The following MEI1 variants were observed in gnomAD, a reference collection of about 807,000 sequenced individuals.
The protein encoded by MEI1 is meiosis inhibitor protein 1.
In MEI1, 103 loss-of-function variants were observed where a neutral mutation model predicts 146.2. The ratio of observed to expected loss-of-function variants is 0.70; its 90% CI spans 0.60 to 0.83. The LOEUF is 0.83. MEI1 is among the 40% of genes least tolerant of loss of function. The probability of loss-of-function intolerance (pLI) is 0.00; values close to 1 mark genes in which losing one functional copy is unlikely to be tolerated. For synonymous variants in MEI1, 652 were observed against 628.2 expected, an observed-to-expected ratio of 1.04 and a Z score of -0.57; for missense variants, 1,529 against 1,533.0, an observed-to-expected ratio of 1.00 and a Z score of 0.04.
At chr22:41,764,176 G>T (rs959476605) in intron 19 of MEI1, among the ~76,000 whole-genome samples, 7 of 152,086 alleles carry the variant, frequency 4.6e-5, no homozygotes, top group Admixed American at 4.6e-4. Context: ...TAGCCAGGAT[G>T]GTCTCAATCT....
intron 22 of MEI1, among the ~76,000 whole-genome samples, chr22:41,779,314 G>A (rs111847553): frequency 6.6e-6 from 1 of 152,222 alleles, no homozygotes; most frequent in Non-Finnish European, 1.5e-5. Context: ...GCTGTGTGTC[G>A]TGATGCAGAC....
In MEI1 at chr22:41,795,297, G is replaced by A; in HGVS notation, c.3535-114G>A. Reference sequence around the variant, plus strand: ...ACTAACTCTGAGCTCCTTGAAGGCAGGCAGGTTCTGTGGGCTTCAGGACAG... The same window carrying A: ...ACTAACTCTGAGCTCCTTGAAGGCAAGCAGGTTCTGTGGGCTTCAGGACAG... On this transcript the variant is annotated intron_variant, in intron 28 of 30. Coordinates refer to ENST00000401548, the MANE Select transcript of MEI1 (RefSeq NM_152513.4). This position sits in a 1 kb window ranked among gnomAD's most constrained non-coding sequence, Gnocchi z 4.2. 1.4e-6 allele frequency: 2 copies of A among 1,423,936 alleles called. No homozygotes were observed. Among genetic ancestry groups the A allele is most frequent in the Non-Finnish European group, 1.9e-6 (2 of 1,039,138 alleles). 88.2% of individuals were successfully genotyped at this position (1,423,936 alleles called of 1,614,324 possible).
At chr22:41,765,610 C>T (rs760716330) in intron 19 of MEI1, among the ~76,000 whole-genome samples, 1 of 152,038 alleles carries the variant, frequency 6.6e-6, no homozygotes, top group Non-Finnish European at 1.5e-5. Context: ...TCAAAGACAC[C>T]GATTAGCCAG....
chr22:41,739,415 C>T (rs1335465709), intron 11 of MEI1, among the ~76,000 whole-genome samples: 1 of 152,026 alleles, frequency 6.6e-6, no homozygotes, highest in Admixed American at 6.6e-5. Context: ...TCTTCTTTTC[C>T]CCTCTCTTCC....
intron 26 of MEI1, among the ~76,000 whole-genome samples, chr22:41,786,901 C>T (rs984714688): frequency 6.6e-6 from 1 of 152,218 alleles, no homozygotes; most frequent in Non-Finnish European, 1.5e-5. Context: ...TATCCCGAGC[C>T]CTGACCCAAT....
At chr22:41,718,378 C>A (rs1601711480) in intron 6 of MEI1, 104 bp downstream of exon 6, 2 of 1,099,148 alleles carry the variant, frequency 1.8e-6, no homozygotes. Flanking sequence ...TGCTGTTTTG[C>A]AAAAGGTAGA....
At chr22:41,739,617 T>G (rs2072686557) in intron 11 of MEI1, among the ~76,000 whole-genome samples, 1 of 148,834 alleles carries the variant, frequency 6.7e-6, no homozygotes, top group Non-Finnish European at 1.5e-5. Context: ...TCCTTTGTCC[T>G]TCCCTGAATT....
chr22:41,716,181 T>A (rs747604516), intron 5 of MEI1, 35 bp downstream of exon 5: 3 of 1,403,974 alleles, frequency 2.1e-6, no homozygotes, highest in Non-Finnish European at 2.0e-6. Context: ...CCACTACCCT[T>A]TTACCTGCTT....
chr22:41,743,278 G>T, intron 12 of MEI1, 84 bp downstream of exon 12: 1 of 947,086 alleles, frequency 1.1e-6, no homozygotes, highest in Non-Finnish European at 1.6e-6. Flanking sequence ...CCTTACTTTT[G>T]TATGCTATTT....
chr22:41,707,159 C>T (rs969879173), intron 3 of MEI1, among the ~76,000 whole-genome samples: 18 of 151,960 alleles, frequency 1.2e-4, no homozygotes, highest in African/African-American at 2.9e-4. Context: ...GCTGAGATCG[C>T]GCCACTGCAC....
At chr22:41,770,986 A>G (rs1376486970) in intron 20 of MEI1, 25 bp downstream of exon 20, 1 of 1,605,462 alleles carries the variant, frequency 6.2e-7, no homozygotes, top group African/African-American at 1.3e-5. Flanking sequence ...ATTCATTTCT[A>G]CATTCAGAAA....
At chr22:41,713,897 G>T in intron 3 of MEI1, 105 bp from the exon 4 acceptor site, 1 of 894,438 alleles carries the variant, frequency 1.1e-6, no homozygotes, top group South Asian at 1.5e-5. Context: ...ATACCAATTA[G>T]CCCAGGCAAA....
At chr22:41,799,082 A>G (rs888337681) in intron 30 of MEI1, among the ~76,000 whole-genome samples, 172 bp from the exon 31 acceptor site, 4 of 152,144 alleles carry the variant, frequency 2.6e-5, no homozygotes, top group Non-Finnish European at 5.9e-5. Context: ...CCTGTTGAAT[A>G]GCAACTACCT....
rs137942362 is a variant in MEI1, at chr22:41,745,802, C to G, written c.1539-83C>G. On this transcript the variant is annotated intron_variant, in intron 13 of 30. Coordinates refer to ENST00000401548, the MANE Select transcript of MEI1 (RefSeq NM_152513.4). ...TTTCCCTGGACCCTGAGCACAGGCA[C>G]TCCCCGCCACCCCCCAGGAAGCTGT... 183 of 1,416,370 alleles carry G rather than the reference C, an allele frequency of 1.3e-4. No homozygotes were observed. In the African/African-American group the frequency reaches 2.4e-3, roughly 19 times the overall value. 87.7% of individuals were successfully genotyped at this position (1,416,370 alleles called of 1,614,324 possible).
chr22:41,740,036 G>C (rs11912567), intron 11 of MEI1, among the ~76,000 whole-genome samples: 146 of 151,636 alleles, frequency 9.6e-4, no homozygotes, highest in African/African-American at 2.6e-3. Flanking sequence ...TTTTTGGTGG[G>C]GGGGGTGGAG....
In MEI1 at chr22:41,724,069, A is replaced by C. The variant is rs765095807; in HGVS notation, c.860A>C (p.Lys287Thr). 1.9e-5 allele frequency: 31 copies of C among 1,613,770 alleles called. No individual in the cohort carries two copies. The highest frequency in any genetic ancestry group is 2.6e-5 in the Non-Finnish European group (31 of 1,179,850). ...AATACCTCACTGCCTTTGGTGCTCA[A>C]AAAGGTAGTTGTCTTGTGATTCCTG... is the stretch of plus-strand genomic sequence containing the variant. ...SGNTSLPLVL[K>T]KLLLSRDETL... The change falls in exon 7 of 31, where the codon AAA becomes ACA. Residue 287 changes from lysine to threonine, a missense_variant. This residue lies in a region of MEI1 where 1,212 missense variants were observed against 1,178.9 expected (regional missense o/e 1.03). Transcript: ENST00000401548.
At chr22:41,784,114 G>C (rs891538924) in intron 24 of MEI1, among the ~76,000 whole-genome samples, 4 of 152,204 alleles carry the variant, frequency 2.6e-5, no homozygotes, top group African/African-American at 9.7e-5. Context: ...CAGTGAGGAT[G>C]GGGGAGATTT....
intron 3 of MEI1, among the ~76,000 whole-genome samples, chr22:41,712,672 A>ATGTG (rs140926503): frequency 0.57 from 83,658 of 146,806 alleles, 26,870 homozygotes; most frequent in Non-Finnish European, 0.75. Context: ...ATAGAAATAG[A>ATGTG]TGTGTGTGTG....
At chr22:41,729,641 A>C in intron 7 of MEI1, 24 bp from the exon 8 acceptor site, 1 of 1,509,528 alleles carries the variant, frequency 6.6e-7, no homozygotes. Flanking sequence ...TGACTGGGGT[A>C]CTTTTTGCTG....
Sources: gnomAD v4.1 joint callset for allele counts (sites outside exome capture counted in the v4.1 genomes callset) on GRCh38, gnomAD v4.1.1 for gene constraint, gnomAD v4.1.1 regional missense constraint, Gnocchi (gnomAD v3.1) non-coding constraint, MANE v1.5 for transcripts, NCBI Gene and HGNC (gene_info 2026-07-23, HGNC 2026-07-21) for gene names.